NXPH1: variants seen among roughly 807,000 people sequenced by gnomAD.
NXPH1 encodes the protein neurexophilin-1.
Under a neutral mutation model 23.7 loss-of-function variants are expected in NXPH1, and 5 were observed. The observed-to-expected ratio is 0.21, with a 90% CI of 0.11 to 0.44. The LOEUF (loss-of-function observed/expected upper bound fraction) is 0.44. NXPH1 is among the 20% of genes least tolerant of loss of function. The pLI, the probability that NXPH1 is intolerant of heterozygous loss-of-function variation, is 0.99. For missense variants in NXPH1, 324 were observed against 321.6 expected, an observed-to-expected ratio of 1.01 and a Z score of -0.06; for synonymous variants, 144 against 122.2, an observed-to-expected ratio of 1.18 and a Z score of -1.18.
intron 2 of NXPH1, among the ~76,000 whole-genome samples, chr7:8,717,228 A>C (rs754815092): frequency 2.0e-4 from 30 of 152,150 alleles, no homozygotes; most frequent in Admixed American, 3.3e-4. Context: ...AGCTGTATTC[A>C]TGTCCTATAT....
At chr7:8,538,243 G>A (rs536165139) in intron 2 of NXPH1, among the ~76,000 whole-genome samples, 1 of 151,978 alleles carries the variant, frequency 6.6e-6, no homozygotes, top group East Asian at 1.9e-4. Context: ...CTGGTGACTG[G>A]CAAAGCTGGG....
chr7:8,658,541 TAC>T (rs983930906), intron 2 of NXPH1, among the ~76,000 whole-genome samples: 5 of 152,228 alleles, frequency 3.3e-5, no homozygotes, highest in South Asian at 2.1e-4. Context: ...TTAAAAAACA[TAC>T]AGAATAACTG....
At chr7:8,447,768 C>T (rs1328048759) in intron 2 of NXPH1, among the ~76,000 whole-genome samples, 1 of 152,202 alleles carries the variant, frequency 6.6e-6, no homozygotes, top group African/African-American at 2.4e-5. Flanking sequence ...TAATATGTGG[C>T]CAGATGCATT....
chr7:8,732,308 C>T (rs895984781), intron 2 of NXPH1, among the ~76,000 whole-genome samples: 2 of 152,350 alleles, frequency 1.3e-5, no homozygotes, highest in Admixed American at 6.5e-5. Flanking sequence ...TCTTCTGTGT[C>T]GCTCACAGTG....
chr7:8,440,191 G>A (rs1167111550), intron 2 of NXPH1, among the ~76,000 whole-genome samples: 1 of 152,124 alleles, frequency 6.6e-6, no homozygotes, highest in Non-Finnish European at 1.5e-5. Context: ...GAGCTCTGGG[G>A]GACACAGAAG....
intron 2 of NXPH1, among the ~76,000 whole-genome samples, chr7:8,632,096 G>T (rs969279311): frequency 1.3e-5 from 2 of 152,108 alleles, no homozygotes; most frequent in African/African-American, 4.8e-5. Flanking sequence ...GCCATTCAGG[G>T]AGCGTCCATC....
chr7:8,567,962 G>C (rs1209006621), intron 2 of NXPH1, among the ~76,000 whole-genome samples: 1 of 151,862 alleles, frequency 6.6e-6, no homozygotes, highest in Non-Finnish European at 1.5e-5. Flanking sequence ...TATATTTATA[G>C]AAAATAATTT....
intron 2 of NXPH1, among the ~76,000 whole-genome samples, chr7:8,560,818 A>G (rs1379743848): frequency 6.6e-6 from 1 of 151,446 alleles, no homozygotes; most frequent in East Asian, 2.0e-4. Flanking sequence ...CTTAAACAAA[A>G]CCTCAATTTG....
At chr7:8,678,455 T>G (rs2115174529) in intron 2 of NXPH1, among the ~76,000 whole-genome samples, 1 of 152,280 alleles carries the variant, frequency 6.6e-6, no homozygotes, top group Admixed American at 6.5e-5. Context: ...TTTACGGTCC[T>G]TTTGCATCTC....
chr7:8,730,942 A>C (rs1780142306), intron 2 of NXPH1, among the ~76,000 whole-genome samples: 1 of 149,754 alleles, frequency 6.7e-6, no homozygotes. Context: ...GTGTTTTCCA[A>C]CTTGGTTCCA....
chr7:8,571,615 ACTG>A (rs1421585693), intron 2 of NXPH1, among the ~76,000 whole-genome samples: 1 of 151,964 alleles, frequency 6.6e-6, no homozygotes, highest in East Asian at 1.9e-4. Flanking sequence ...ATCCCTCTCT[ACTG>A]TTCTTCTACA....
At chr7:8,720,296 G>T (rs1779950684) in intron 2 of NXPH1, among the ~76,000 whole-genome samples, 1 of 152,178 alleles carries the variant, frequency 6.6e-6, no homozygotes, top group African/African-American at 2.4e-5. Flanking sequence ...AGCAGGATAA[G>T]AATTCGAATG....
At chr7:8,454,732 A>G (rs945135717) in intron 2 of NXPH1, among the ~76,000 whole-genome samples, 1 of 151,890 alleles carries the variant, frequency 6.6e-6, no homozygotes, top group African/African-American at 2.4e-5. Context: ...AGAATAAGTC[A>G]ACTTTTCCAG....
At chr7:8,688,528 G>C (rs913616481) in intron 2 of NXPH1, among the ~76,000 whole-genome samples, 3 of 152,202 alleles carry the variant, frequency 2.0e-5, no homozygotes, top group African/African-American at 7.2e-5. Context: ...GAATTGGGAA[G>C]TACAGTTAAA....
At chr7:8,685,533 A>C (rs1038948950) in intron 2 of NXPH1, among the ~76,000 whole-genome samples, 1 of 152,102 alleles carries the variant, frequency 6.6e-6, no homozygotes, top group Non-Finnish European at 1.5e-5. Flanking sequence ...GTTGCTTCCA[A>C]ATCTTAGCTA....
chr7:8,475,326 G>A (rs1022558058), intron 2 of NXPH1, among the ~76,000 whole-genome samples: 11 of 151,992 alleles, frequency 7.2e-5, no homozygotes, highest in African/African-American at 2.7e-4. Context: ...CCTTTAATAG[G>A]AACCTTTCTG....
intron 2 of NXPH1, among the ~76,000 whole-genome samples, chr7:8,691,226 C>T (rs950420755): frequency 6.6e-6 from 1 of 152,032 alleles, no homozygotes; most frequent in African/African-American, 2.4e-5. Context: ...GTCACCATGA[C>T]CTCCATCCAC....
Position 8,653,860 on chromosome 7 carries a change from T to C in NXPH1, c.55-97148T>C, listed in dbSNP as rs180996695. Among the ~76,000 whole-genome samples, 129 of 152,318 alleles carry C rather than the reference T, an allele frequency of 8.5e-4. 1 individual carries two copies. The South Asian group carries it at 0.013, about 16-fold the overall frequency. On this transcript the variant is annotated intron_variant, in intron 2 of 2. Coordinates refer to ENST00000405863, the MANE Select transcript of NXPH1 (RefSeq NM_152745.3). ...TCTTGTTTTCATTTCTTACAATACA[T>C]AGCTGACTATTTTCTCCTCTACATA...
At chr7:8,670,644 T>C (rs1820854145) in intron 2 of NXPH1, among the ~76,000 whole-genome samples, 1 of 152,254 alleles carries the variant, frequency 6.6e-6, no homozygotes, top group South Asian at 2.1e-4. Flanking sequence ...ACCTTTAGGC[T>C]GCCCAATATC....
Sources: gnomAD v4.1 joint callset for allele counts (sites outside exome capture counted in the v4.1 genomes callset) on GRCh38, gnomAD v4.1.1 for gene constraint, MANE v1.5 for transcripts, NCBI Gene and HGNC (gene_info 2026-07-23, HGNC 2026-07-21) for gene names.